CBFB: variants seen among roughly 807,000 people sequenced by gnomAD.
CBFB encodes core-binding factor subunit beta.
A neutral mutation model predicts 30.4 loss-of-function variants in CBFB; 9 were observed. That is an observed-to-expected ratio of 0.30 (90% CI 0.18 to 0.52). The LOEUF (loss-of-function observed/expected upper bound fraction) is 0.52. Ranked by LOEUF, CBFB falls within the 20% of genes least tolerant of loss-of-function variation. The pLI is 0.97. For missense variants in CBFB, 170 were observed against 244.0 expected (o/e 0.70, Z 2.02); for synonymous variants, 94 against 84.0 (o/e 1.12, Z -0.65).
intron 3 of CBFB, among the ~76,000 whole-genome samples, chr16:67,054,432 G>C (rs1186925752): frequency 6.6e-6 from 1 of 152,018 alleles, no homozygotes; most frequent in Non-Finnish European, 1.5e-5. Context: ...TCCATGTTTT[G>C]GTATTTATCT....
At chr16:67,081,714 G>A (rs565309436) in intron 4 of CBFB, among the ~76,000 whole-genome samples, 5 of 152,166 alleles carry the variant, frequency 3.3e-5, no homozygotes, top group African/African-American at 1.2e-4. Context: ...GCTGAGGCAG[G>A]AGAATTGCTG....
intron 3 of CBFB, among the ~76,000 whole-genome samples, chr16:67,055,812 A>C (rs1032812959): frequency 6.6e-6 from 1 of 152,212 alleles, no homozygotes; most frequent in African/African-American, 2.4e-5. Flanking sequence ...GACTGTAGAG[A>C]TTATCTGACA....
At chr16:67,045,027 T>G (rs1221609574) in intron 3 of CBFB, among the ~76,000 whole-genome samples, 1 of 152,180 alleles carries the variant, frequency 6.6e-6, no homozygotes, top group Non-Finnish European at 1.5e-5. Context: ...TTTAAAAATA[T>G]GCTTTAGATA....
intron 4 of CBFB, among the ~76,000 whole-genome samples, chr16:67,074,979 G>A (rs1961344884): frequency 6.6e-6 from 1 of 152,052 alleles, no homozygotes; most frequent in South Asian, 2.1e-4. Flanking sequence ...GATCACTTGA[G>A]GCCAGGAGTT....
chr16:67,074,531 T>A (rs1158812519), intron 4 of CBFB, among the ~76,000 whole-genome samples: 1 of 151,926 alleles, frequency 6.6e-6, no homozygotes, highest in Non-Finnish European at 1.5e-5. Context: ...TACAGGCACG[T>A]GCCATCATAC....
intron 2 of CBFB, among the ~76,000 whole-genome samples, chr16:67,032,547 C>A (rs1301908100): frequency 6.6e-6 from 1 of 152,076 alleles, no homozygotes; most frequent in Non-Finnish European, 1.5e-5. Flanking sequence ...AGTGTTAACC[C>A]ACATTTAATT....
intron 2 of CBFB, among the ~76,000 whole-genome samples, chr16:67,032,576 A>G (rs73586880): frequency 2.6e-3 from 393 of 152,300 alleles, no homozygotes; most frequent in African/African-American, 9.0e-3. Context: ...CTTAGCTCCT[A>G]GAGGGTAGAG....
rs929115577 is a variant in CBFB at position 67,098,824 on chromosome 16, G to A, written c.*46G>A. The A allele has an allele frequency of 3.8e-6, 4 of 1,049,044 alleles. No homozygotes were observed. In the Admixed American group the frequency reaches 5.3e-5, roughly 14 times the overall value. The allele number at this position is 1,049,044 out of a possible 1,614,324, so 65.0% of individuals were successfully genotyped here. A position where few individuals can be genotyped will look rare whatever the true frequency, so the allele number is the denominator to read the frequency against. ...TGCTGCCCATCTTTACATACACATT[G>A]CTTCTAGTTGGCAGAAATAATTGAT... On this transcript the variant is annotated 3_prime_UTR_variant, in exon 6 of 6. Coordinates refer to ENST00000412916, the MANE Select transcript of CBFB (RefSeq NM_022845.3).
At chr16:67,094,308 C>G (rs986936655) in intron 5 of CBFB, among the ~76,000 whole-genome samples, 1 of 152,016 alleles carries the variant, frequency 6.6e-6, no homozygotes, top group African/African-American at 2.4e-5. Flanking sequence ...TCTTTCCTTA[C>G]ATCTTCCTCA....
intron 5 of CBFB, among the ~76,000 whole-genome samples, chr16:67,096,700 C>T (rs1229077319): frequency 2.6e-5 from 4 of 151,896 alleles, no homozygotes; most frequent in South Asian, 2.1e-4. Flanking sequence ...CTGGGCCGGG[C>T]GCGGTGGCTC....
intron 3 of CBFB, among the ~76,000 whole-genome samples, chr16:67,058,051 T>C (rs1960780670): frequency 6.6e-6 from 1 of 152,216 alleles, no homozygotes. Flanking sequence ...GGAATTTTGT[T>C]GAAGATTACT....
Position 67,064,047 on chromosome 16 carries a change from A to G in CBFB, c.283-2635A>G, listed in dbSNP as rs564104584. Among the ~76,000 whole-genome samples the G allele has an allele frequency of 1.6e-4, 25 of 152,302 alleles. No individual in the cohort carries two copies. The South Asian group carries it at 2.5e-3, about 15-fold the overall frequency. On this transcript the variant is annotated intron_variant, in intron 3 of 5. Transcript: ENST00000412916. ...AGGTAAATGAAAAGCCTCGTTAATAAATATATATTTGATAATCTGCAGGTT... is the reference window on the plus strand; with the variant it reads ...AGGTAAATGAAAAGCCTCGTTAATAGATATATATTTGATAATCTGCAGGTT...
chr16:67,051,562 T>G (rs1349069477), intron 3 of CBFB, among the ~76,000 whole-genome samples: 1 of 152,010 alleles, frequency 6.6e-6, no homozygotes, highest in Non-Finnish European at 1.5e-5. Flanking sequence ...CACAGTGTGT[T>G]TTTGTATGTA....
Position 67,098,799 on chromosome 16 carries a change from T to G in CBFB, c.*21T>G. On this transcript the variant is annotated 3_prime_UTR_variant, in exon 6 of 6. Coordinates refer to ENST00000412916, the MANE Select transcript of CBFB (RefSeq NM_022845.3). ...GTTAATTAATAGCACAGCAGATGTG[T>G]GCTGCCCATCTTTACATACACATTG... is the stretch of plus-strand genomic sequence containing the variant. The G allele has an allele frequency of 7.0e-7, 1 of 1,424,602 alleles. No homozygotes were observed. Among genetic ancestry groups the G allele is most frequent in the Non-Finnish European group, 9.9e-7 (1 of 1,009,414 alleles). 88.2% of individuals were successfully genotyped at this position (1,424,602 alleles called of 1,614,324 possible). A position where few individuals can be genotyped will look rare whatever the true frequency, so the allele number is the denominator to read the frequency against.
chr16:67,056,988 G>A (rs1383446074), intron 3 of CBFB, among the ~76,000 whole-genome samples: 1 of 151,384 alleles, frequency 6.6e-6, no homozygotes, highest in East Asian at 1.9e-4. Context: ...CCTCTAGCAG[G>A]CTTTTTATTT....
In CBFB at chr16:67,099,133, G is replaced by GT; in HGVS notation, c.*356dup. 3.9e-6 allele frequency: 1 copy of GT among 258,960 alleles called. No homozygotes were observed. Among genetic ancestry groups the GT allele is most frequent in the Non-Finnish European group, 7.3e-6 (1 of 136,632 alleles). The allele number at this position is 258,960 out of a possible 1,614,324, so 16.0% of individuals were successfully genotyped here. A position where few individuals can be genotyped will look rare whatever the true frequency, so the allele number is the denominator to read the frequency against. On this transcript the variant is annotated 3_prime_UTR_variant, in exon 6 of 6. Transcript: ENST00000412916. ...AAAAACAAGTCAAGAAATTAAAATT[G>GT]TATCAGAGGGTTTTCTCTAATCATT...
At chr16:67,063,904 C>A (rs1960980992) in intron 3 of CBFB, among the ~76,000 whole-genome samples, 2 of 152,080 alleles carry the variant, frequency 1.3e-5, no homozygotes, top group Non-Finnish European at 2.9e-5. Context: ...ATGCTTCCAG[C>A]TTTTTCCTCA....
chr16:67,034,086 C>G (rs1966403358), intron 2 of CBFB, among the ~76,000 whole-genome samples: 1 of 152,088 alleles, frequency 6.6e-6, no homozygotes, highest in African/African-American at 2.4e-5. Flanking sequence ...TGTTGGCCTC[C>G]CAAAGTGCTG....
chr16:67,083,672 C>A (rs1412927434), intron 5 of CBFB, among the ~76,000 whole-genome samples: 2 of 151,976 alleles, frequency 1.3e-5, no homozygotes, highest in Non-Finnish European at 2.9e-5. Flanking sequence ...TTTAGTCTTG[C>A]CCAGTTTTAA....
Sources: allele counts gnomAD v4.1 joint callset (sites outside exome capture counted in the v4.1 genomes callset), GRCh38; gene constraint gnomAD v4.1.1; transcripts MANE v1.5; gene names NCBI Gene and HGNC (gene_info 2026-07-23, HGNC 2026-07-21).